CAP1: variants seen among roughly 807,000 people sequenced by gnomAD.
CAP1 encodes cyclase associated actin cytoskeleton regulatory protein 1.
CAP1 carries 11 observed loss-of-function variants against 58.2 expected under a neutral mutation model. The ratio of observed to expected loss-of-function variants is 0.19; its 90% CI spans 0.12 to 0.31. The LOEUF (loss-of-function observed/expected upper bound fraction) is 0.31, where lower values mean the gene tolerates loss of function less well. Among genes scored for constraint, CAP1 ranks in the 10% least tolerant of loss-of-function variants. CAP1 has a pLI of 1.00. For missense variants in CAP1, 423 were observed against 587.5 expected (o/e 0.72, Z 2.89); for synonymous variants, 183 against 213.8 (o/e 0.86, Z 1.26).
intron 1 of CAP1, among the ~76,000 whole-genome samples, chr1:40,048,405 G>T (rs1305182739): frequency 6.6e-6 from 1 of 152,168 alleles, no homozygotes; most frequent in African/African-American, 2.4e-5. Context: ...AGTGGTGCCT[G>T]TTATTTGGTT....
rs561847182 is a variant in CAP1 at position 40,046,253 on chromosome 1, C to T, written c.-11+5452C>T. Reference sequence around the variant, plus strand: ...GGTGGATCACCTGAGGTCAGGAGTTCGAGACCAGCCTGGCCAACATGGTAA... The same window carrying T: ...GGTGGATCACCTGAGGTCAGGAGTTTGAGACCAGCCTGGCCAACATGGTAA... On this transcript the variant is annotated intron_variant, in intron 1 of 12. Coordinates refer to ENST00000372805, the MANE Select transcript of CAP1 (RefSeq NM_006367.4). Among the ~76,000 whole-genome samples the T allele has an allele frequency of 1.3e-3, 194 of 152,154 alleles. 1 individual carries two copies. The highest frequency in any genetic ancestry group is 4.9e-3 in the Admixed American group (75 of 15,290).
At chr1:40,065,394 CA>C (rs1647027206) in intron 6 of CAP1, among the ~76,000 whole-genome samples, 2 of 152,234 alleles carry the variant, frequency 1.3e-5, no homozygotes, top group African/African-American at 4.8e-5. Context: ...TGCATATCTA[CA>C]CAAGCCTTTC....
At position 40,069,842 on chromosome 1, in the gene CAP1, G is replaced by A. The variant is rs772357523; in HGVS notation, c.961G>A (p.Val321Ile). Residue 321 changes from valine (V) to isoleucine (I), a missense_variant, in exon 9 of 13, where the codon GTA becomes ATA. Transcript: ENST00000372805. ...PKRATKKEPA[V>I]LELEGKKWRV... Reference sequence around the variant, plus strand: ...ACGAGCCACAAAGAAGGAGCCAGCTGTACTTGAACTGGAGGGCAAGAAGTG... The same window carrying A: ...ACGAGCCACAAAGAAGGAGCCAGCTATACTTGAACTGGAGGGCAAGAAGTG... 33 of 1,592,054 alleles carry A rather than the reference G, an allele frequency of 2.1e-5. No individual in the cohort carries two copies. Among genetic ancestry groups the A allele is most frequent in the Admixed American group, 3.7e-5 (2 of 54,572 alleles).
At chr1:40,070,078 A>G (rs1431631820) in intron 9 of CAP1, 81 bp from the exon 10 acceptor site, 1 of 1,590,024 alleles carries the variant, frequency 6.3e-7, no homozygotes, top group Admixed American at 1.7e-5. Flanking sequence ...CAATTGCAAG[A>G]ACAAAAAGTT....
At chr1:40,050,651 T>G (rs938283911) in intron 1 of CAP1, among the ~76,000 whole-genome samples, 1 of 151,826 alleles carries the variant, frequency 6.6e-6, no homozygotes, top group Admixed American at 6.6e-5. Flanking sequence ...AGAGTGAGAC[T>G]CCATCTCAAA....
chr1:40,047,263 A>G (rs926180394), intron 1 of CAP1, among the ~76,000 whole-genome samples: 1 of 152,216 alleles, frequency 6.6e-6, no homozygotes, highest in African/African-American at 2.4e-5. Flanking sequence ...AGCATTCACC[A>G]TGAAATTATT....
At chr1:40,053,074 A>T (rs1384874151) in intron 1 of CAP1, among the ~76,000 whole-genome samples, 2 of 152,098 alleles carry the variant, frequency 1.3e-5, no homozygotes, top group Non-Finnish European at 2.9e-5. Context: ...AATACAAAAA[A>T]TTAGCCGGGC....
rs1209978917 is a variant in CAP1 at position 40,066,197 on chromosome 1, C to T, written c.525-18C>T. On this transcript the variant is annotated intron_variant, in intron 6 of 12. Coordinates refer to ENST00000372805, the MANE Select transcript of CAP1 (RefSeq NM_006367.4). ...GTACCCGGATCACCTGTGACAAGTT[C>T]TTCTTTAATCCTCCCAGGGATAAGA... 6 of 1,404,230 alleles carry T rather than the reference C, an allele frequency of 4.3e-6. No homozygotes were observed. 87.0% of individuals were successfully genotyped at this position (1,404,230 alleles called of 1,614,324 possible). A position where few individuals can be genotyped will look rare whatever the true frequency, so the allele number is the denominator to read the frequency against.
chr1:40,040,454 G>C (rs1051751803), upstream of CAP1: 1 of 152,278 alleles, frequency 6.6e-6, no homozygotes, highest in Non-Finnish European at 1.5e-5. Context: ...CCCGGGCCTC[G>C]GGGGCGATTC....
intron 8 of CAP1, 172 bp from the exon 9 acceptor site, chr1:40,069,518 A>C (rs1489274410): frequency 1.6e-6 from 1 of 641,774 alleles, no homozygotes; most frequent in Non-Finnish European, 2.8e-6. Flanking sequence ...ATATAATTTA[A>C]TCTTGGGGAG....
chr1:40,058,546 T>C (rs1646710376), intron 1 of CAP1, among the ~76,000 whole-genome samples: 1 of 152,024 alleles, frequency 6.6e-6, no homozygotes, highest in South Asian at 2.1e-4. Context: ...GCCAACACAG[T>C]GAAACCCTGT....
At position 40,059,453 on chromosome 1, in the gene CAP1, C is replaced by T. The variant is rs758617435; in HGVS notation, c.107C>T (p.Ser36Leu). ...DMHRGYADSP[S>L]KAGAAPYVQA... ...CACCGTGGGTATGCAGACAGTCCTT[C>T]AAAAGGTAAGCAGTCCACAGCCCAG... Residue 36 changes from serine to leucine, a missense_variant, in exon 2 of 13, where the codon TCA becomes TTA. By Grantham distance (145) the Ser-to-Leu change is moderately radical. Coordinates refer to ENST00000372805, the MANE Select transcript of CAP1 (RefSeq NM_006367.4). 25 of 1,595,820 alleles carry T rather than the reference C, an allele frequency of 1.6e-5. No individual in the cohort carries two copies. The highest frequency in any genetic ancestry group is 2.1e-5 in the Non-Finnish European group (25 of 1,163,404).
intron 1 of CAP1, among the ~76,000 whole-genome samples, chr1:40,041,206 A>G (rs1645810294): frequency 6.6e-6 from 1 of 152,246 alleles, no homozygotes; most frequent in Non-Finnish European, 1.5e-5. Flanking sequence ...AAAGAATCGG[A>G]ATCATGATCC....
chr1:40,052,494 G>A (rs61781896), intron 1 of CAP1, among the ~76,000 whole-genome samples: 21,602 of 152,112 alleles, frequency 0.14, 1,840 homozygotes, highest in African/African-American at 0.24. Context: ...ATGGCAAGGA[G>A]CAAGATTAGG....
At chr1:40,044,056 T>G (rs1212612718) in intron 1 of CAP1, among the ~76,000 whole-genome samples, 1 of 152,184 alleles carries the variant, frequency 6.6e-6, no homozygotes, top group African/African-American at 2.4e-5. Flanking sequence ...AGTGAGTATA[T>G]TTTTGCTTTG....
intron 1 of CAP1, among the ~76,000 whole-genome samples, chr1:40,058,977 G>A (rs1258833694): frequency 9.4e-5 from 13 of 138,180 alleles, no homozygotes; most frequent in Admixed American, 9.4e-4. Flanking sequence ...AATAGTTGTC[G>A]GGAGGCTCAA....
rs1422774855 is a variant in CAP1 at position 40,067,697 on chromosome 1, A to G, written c.788A>G (p.Gln263Arg). ...SRSSLFAQINQGESITHALKH... is the reference protein window; with the variant it reads ...SRSSLFAQINRGESITHALKH... ...TCATCACTGTTCGCGCAGATTAATCAGGGGGAGAGCATTACACATGGTGAG... is the reference window on the plus strand; with the variant it reads ...TCATCACTGTTCGCGCAGATTAATCGGGGGGAGAGCATTACACATGGTGAG... Residue 263 changes from glutamine (Q) to arginine (R), a missense_variant, in exon 8 of 13, where the codon CAG becomes CGG. Coordinates refer to ENST00000372805, the MANE Select transcript of CAP1 (RefSeq NM_006367.4). The G allele has an allele frequency of 6.2e-7, 1 of 1,601,560 alleles. No homozygotes were observed. Among genetic ancestry groups the G allele is most frequent in the Non-Finnish European group, 8.5e-7 (1 of 1,173,642 alleles).
intron 1 of CAP1, among the ~76,000 whole-genome samples, chr1:40,042,469 G>C (rs546519591): frequency 6.6e-6 from 1 of 152,320 alleles, no homozygotes; most frequent in South Asian, 2.1e-4. Context: ...GACTACTACA[G>C]GTGCAAGGAC....
intron 1 of CAP1, among the ~76,000 whole-genome samples, chr1:40,048,930 A>G (rs867538502): frequency 6.6e-6 from 1 of 152,172 alleles, no homozygotes; most frequent in African/African-American, 2.4e-5. Context: ...AATTTTACCT[A>G]AGGATGATGA....
Sources: gnomAD v4.1 joint callset for allele counts (sites outside exome capture counted in the v4.1 genomes callset) on GRCh38, gnomAD v4.1.1 for gene constraint, MANE v1.5 for transcripts, NCBI Gene and HGNC (gene_info 2026-07-23, HGNC 2026-07-21) for gene names.